Variants in SLC2A13 observed in about 807,000 individuals in gnomAD.
SLC2A13 encodes the protein proton myo-inositol cotransporter.
Under a neutral mutation model 64.4 loss-of-function variants are expected in SLC2A13, and 32 were observed. The ratio of observed to expected loss-of-function variants is 0.50; its 90% CI spans 0.37 to 0.67. The LOEUF (loss-of-function observed/expected upper bound fraction) is 0.67. SLC2A13 is among the 30% of genes least tolerant of loss of function. The pLI is 0.00. For missense variants in SLC2A13, 743 were observed against 829.2 expected (o/e 0.90, Z 1.28); for synonymous variants, 338 against 327.1 (o/e 1.03, Z -0.36).
chr12:40,090,194 C>T (rs1219335778), intron 1 of SLC2A13, among the ~76,000 whole-genome samples: 1 of 152,106 alleles, frequency 6.6e-6, no homozygotes, highest in Non-Finnish European at 1.5e-5. Context: ...TTTAATAAGG[C>T]ATATTTCTAG....
chr12:39,893,793 C>A (rs1351894192), intron 4 of SLC2A13, among the ~76,000 whole-genome samples: 1 of 152,160 alleles, frequency 6.6e-6, no homozygotes, highest in African/African-American at 2.4e-5. Context: ...ACATTTTCTG[C>A]AATTTACTTT....
intron 4 of SLC2A13, among the ~76,000 whole-genome samples, chr12:39,879,990 T>C (rs991178151): frequency 1.1e-4 from 16 of 152,160 alleles, no homozygotes; most frequent in Non-Finnish European, 1.5e-4. Context: ...GTCTTAATGA[T>C]AGTGAGTTCA....
At chr12:39,769,489 T>C (rs2135721234) in intron 7 of SLC2A13, among the ~76,000 whole-genome samples, 1 of 151,902 alleles carries the variant, frequency 6.6e-6, no homozygotes, top group South Asian at 2.1e-4. Flanking sequence ...AGCTTCTACT[T>C]TTCTATATTT....
chr12:39,848,506 TA>T lies in SLC2A13; in HGVS notation c.1319+16255del, dbSNP rs554260883. On this transcript the variant is annotated intron_variant, in intron 6 of 9. Transcript: ENST00000280871. ...TCACACCAGTCAGAATGGCTATTAT[TA>T]AAAAGTTAAAAAATAACAGATGCTG... Among the ~76,000 whole-genome samples, 215 of 152,144 alleles carry T rather than the reference TA, an allele frequency of 1.4e-3. 1 individual carries two copies. The highest frequency in any genetic ancestry group is 4.9e-3 in the African/African-American group (202 of 41,510).
intron 3 of SLC2A13, among the ~76,000 whole-genome samples, chr12:39,971,793 G>A (rs1441470242): frequency 6.6e-6 from 1 of 151,622 alleles, no homozygotes; most frequent in Non-Finnish European, 1.5e-5. Flanking sequence ...TGGCCAACAT[G>A]GCAAAACCCT....
chr12:39,852,482 T>A (rs569047188), intron 6 of SLC2A13, among the ~76,000 whole-genome samples: 7 of 152,332 alleles, frequency 4.6e-5, no homozygotes, highest in African/African-American at 1.7e-4. Flanking sequence ...AGAGGACTTG[T>A]TCATTGATCA....
At chr12:39,873,800 A>G (rs1566891151) in intron 4 of SLC2A13, among the ~76,000 whole-genome samples, 1 of 152,230 alleles carries the variant, frequency 6.6e-6, no homozygotes, top group Non-Finnish European at 1.5e-5. Context: ...ATAGCTATAC[A>G]AAGTATTTTA....
At chr12:39,801,838 T>G (rs1181779641) in intron 7 of SLC2A13, among the ~76,000 whole-genome samples, 1 of 152,178 alleles carries the variant, frequency 6.6e-6, no homozygotes, top group African/African-American at 2.4e-5. Context: ...AAGAAGATTC[T>G]TGGGCTACTT....
intron 3 of SLC2A13, among the ~76,000 whole-genome samples, chr12:39,980,249 G>A (rs1591974799): frequency 6.6e-6 from 1 of 151,960 alleles, no homozygotes; most frequent in East Asian, 1.9e-4. Flanking sequence ...TCGAGACTAG[G>A]AAGAAACTGC....
chr12:40,079,399 C>T (rs527432900), intron 1 of SLC2A13, among the ~76,000 whole-genome samples: 117 of 152,268 alleles, frequency 7.7e-4, no homozygotes, highest in African/African-American at 2.5e-3. Context: ...AGGTTAATTT[C>T]CAAGTAATTG....
chr12:40,083,742 C>A (rs1310626233), intron 1 of SLC2A13, among the ~76,000 whole-genome samples: 1 of 152,166 alleles, frequency 6.6e-6, no homozygotes, highest in Non-Finnish European at 1.5e-5. Flanking sequence ...GGGACTCACC[C>A]CTCCAAAGGT....
intron 7 of SLC2A13, among the ~76,000 whole-genome samples, chr12:39,767,282 A>G (rs1475661931): frequency 7.0e-6 from 1 of 142,556 alleles, no homozygotes; most frequent in Non-Finnish European, 1.5e-5. Flanking sequence ...GTCAATCAGC[A>G]GTAATATTTT....
intron 1 of SLC2A13, among the ~76,000 whole-genome samples, chr12:40,074,164 A>G (rs907577953): frequency 3.0e-5 from 3 of 101,662 alleles, no homozygotes; most frequent in East Asian, 3.2e-4. Flanking sequence ...CCCATCAAAG[A>G]CATTTTTTTT....
At chr12:39,902,948 A>G (rs1424871215) in intron 4 of SLC2A13, among the ~76,000 whole-genome samples, 1 of 152,108 alleles carries the variant, frequency 6.6e-6, no homozygotes, top group East Asian at 1.9e-4. Flanking sequence ...CAAACTGTTG[A>G]CTACGTTCCA....
chr12:39,924,806 A>T (rs1202143829), intron 4 of SLC2A13, among the ~76,000 whole-genome samples: 3 of 152,180 alleles, frequency 2.0e-5, no homozygotes, highest in African/African-American at 7.2e-5. Context: ...TGTGTTTTGC[A>T]TGACAGAAAG....
At chr12:40,011,115 C>T (rs1193396532) in intron 3 of SLC2A13, among the ~76,000 whole-genome samples, 1 of 152,158 alleles carries the variant, frequency 6.6e-6, no homozygotes, top group Non-Finnish European at 1.5e-5. Flanking sequence ...TTTGAGTAAC[C>T]TCCCACGCCC....
At chr12:39,953,918 G>A (rs946307831) in intron 3 of SLC2A13, among the ~76,000 whole-genome samples, 5 of 152,142 alleles carry the variant, frequency 3.3e-5, no homozygotes, top group Admixed American at 2.0e-4. Context: ...CCACTTTTGT[G>A]GATGATAGGT....
In SLC2A13 at chr12:39,817,255, C is replaced by T. The variant is rs1458541563; in HGVS notation, c.1445+12848G>A. ...ACTCAAAGTAGCTCATAACCAATTC[C>T]GGGTTGCTCATTTTAGGGTGGTCCA... On this transcript the variant is annotated intron_variant, in intron 7 of 9. Coordinates refer to ENST00000280871, the MANE Select transcript of SLC2A13 (RefSeq NM_052885.4). Among the ~76,000 whole-genome samples the T allele has an allele frequency of 2.6e-5, 4 of 152,138 alleles. No homozygotes were observed. In the South Asian group the frequency reaches 6.2e-4, roughly 24 times the overall value.
At chr12:40,015,564 G>A (rs1035801273) in intron 3 of SLC2A13, among the ~76,000 whole-genome samples, 1 of 152,090 alleles carries the variant, frequency 6.6e-6, no homozygotes, top group African/African-American at 2.4e-5. Context: ...CAGTCTCAGA[G>A]GGCACCTCAT....
Sources: gnomAD v4.1 joint callset for allele counts (sites outside exome capture counted in the v4.1 genomes callset) on GRCh38, gnomAD v4.1.1 for gene constraint, MANE v1.5 for transcripts, NCBI Gene and HGNC (gene_info 2026-07-23, HGNC 2026-07-21) for gene names.